The following NXPE2 variants were observed in gnomAD, a reference collection of about 807,000 sequenced individuals.
The protein encoded by NXPE2 is neurexophilin and PC-esterase domain family member 2, also known as NXPE family member 2.
Under a neutral mutation model 34.4 loss-of-function variants are expected in NXPE2, and 34 were observed. The ratio of observed to expected loss-of-function variants is 0.99; its 90% CI spans 0.75 to 1.31. NXPE2 has a LOEUF of 1.31. Ranked by LOEUF, NXPE2 falls within the 40% of genes most tolerant of loss-of-function variation. NXPE2 has a pLI of 0.00. For missense variants in NXPE2, 649 were observed against 672.5 expected (o/e 0.97, Z 0.39); for synonymous variants, 235 against 231.3 (o/e 1.02, Z -0.15).
intron 3 of NXPE2, among the ~76,000 whole-genome samples, chr11:114,700,791 C>G (rs1415076581): frequency 6.6e-6 from 1 of 152,132 alleles, no homozygotes; most frequent in Non-Finnish European, 1.5e-5. Context: ...ATAGAGCATA[C>G]AGCATTTCCC....
chr11:114,469,612 C>A, the NXPE2 span, among the ~76,000 whole-genome samples: 443 of 151,926 alleles, frequency 2.9e-3, 2 homozygotes, highest in African/African-American at 0.01. Context: ...GCCTCAGCCT[C>A]CTGAGTAGCT....
chr11:114,792,899 C>A, the NXPE2 span, among the ~76,000 whole-genome samples: 2 of 152,256 alleles, frequency 1.3e-5, no homozygotes, highest in East Asian at 3.9e-4. Flanking sequence ...ATGCTCTAAC[C>A]ACTACCCTGC....
the NXPE2 span, among the ~76,000 whole-genome samples, chr11:114,799,392 G>A: frequency 6.6e-6 from 1 of 151,912 alleles, no homozygotes; most frequent in Non-Finnish European, 1.5e-5. Context: ...TTGGAGAAGA[G>A]TTAAGGAAAA....
At chr11:114,685,735 A>G (rs1951033631) in intron 2 of NXPE2, among the ~76,000 whole-genome samples, 1 of 152,148 alleles carries the variant, frequency 6.6e-6, no homozygotes, top group East Asian at 1.9e-4. Context: ...TGTCCCTGCT[A>G]CTACTATTTT....
At chr11:114,580,307 C>T in the NXPE2 span, 37 of 1,613,912 alleles carry the variant, frequency 2.3e-5, no homozygotes, top group Non-Finnish European at 2.7e-5. Context: ...TCATTCCAAA[C>T]TTGCATTTCT....
At chr11:114,492,906 A>G in the NXPE2 span, among the ~76,000 whole-genome samples, 23,030 of 152,084 alleles carry the variant, frequency 0.15, 1,966 homozygotes, top group South Asian at 0.23. Flanking sequence ...TGGGGTGTTA[A>G]ATTTTCCAAT....
the NXPE2 span, among the ~76,000 whole-genome samples, chr11:114,666,227 CAG>C: frequency 6.6e-6 from 1 of 152,102 alleles, no homozygotes; most frequent in Admixed American, 6.6e-5. Flanking sequence ...TACCGTATAG[CAG>C]ATTCATTCCT....
the NXPE2 span, among the ~76,000 whole-genome samples, chr11:114,610,221 T>A: frequency 6.6e-6 from 1 of 151,918 alleles, no homozygotes; most frequent in African/African-American, 2.4e-5. Flanking sequence ...CAGTCAATAA[T>A]AAGTGTTGCC....
the NXPE2 span, among the ~76,000 whole-genome samples, chr11:114,630,546 G>A: frequency 1.2e-4 from 18 of 151,518 alleles, no homozygotes; most frequent in African/African-American, 2.9e-4. Context: ...AGACTTAAAC[G>A]TTAGACCTAA....
chr11:114,609,584 T>G, the NXPE2 span, among the ~76,000 whole-genome samples: 1 of 148,394 alleles, frequency 6.7e-6, no homozygotes, highest in East Asian at 2.1e-4. Flanking sequence ...ACTGTTACCA[T>G]GTGGATAATA....
chr11:114,748,413 G>T, the NXPE2 span, among the ~76,000 whole-genome samples: 7 of 152,154 alleles, frequency 4.6e-5, no homozygotes, highest in African/African-American at 1.7e-4. Context: ...TTTGCCAGAT[G>T]TCTCAAAAGT....
chr11:114,804,002 G>A, the NXPE2 span, among the ~76,000 whole-genome samples: 1 of 152,156 alleles, frequency 6.6e-6, no homozygotes, highest in African/African-American at 2.4e-5. Flanking sequence ...CAAAATATGA[G>A]TTATGGGGGA....
chr11:114,595,461 A>G, the NXPE2 span: 1 of 152,090 alleles, frequency 6.6e-6, no homozygotes, highest in South Asian at 2.1e-4. Context: ...CATCCCTCAA[A>G]ATTTACCCTC....
chr11:114,650,324 T>C, the NXPE2 span, among the ~76,000 whole-genome samples: 16 of 152,298 alleles, frequency 1.1e-4, no homozygotes, highest in African/African-American at 3.9e-4. Context: ...TGTGCTAATT[T>C]GGAATAGCTG....
rs1244397630 is a variant in NXPE2 at position 114,698,762 on chromosome 11, T to G, written c.850T>G (p.Trp284Gly). 3.8e-6 allele frequency: 6 copies of G among 1,566,618 alleles called. No homozygotes were observed. Among genetic ancestry groups the G allele is most frequent in the Admixed American group, 3.8e-5 (2 of 52,378 alleles). Reference protein sequence around the residue: ...RNISYLSKEEWRLFHRSNIGV... With the variant: ...RNISYLSKEEGRLFHRSNIGV... ...TATTTCCTATCTTAGCAAGGAAGAA[T>G]GGAGGCTTTTCCACAGGTAAAGAGG... Residue 284 changes from tryptophan (W) to glycine (G), a missense_variant, in exon 3 of 6, where the codon TGG (tryptophan) becomes GGG (glycine). Trp to Gly is a radical substitution (Grantham distance 184, BLOSUM62 -2). Transcript: ENST00000389586.
intron 2 of NXPE2, among the ~76,000 whole-genome samples, chr11:114,683,769 A>G (rs564362944): frequency 1.3e-5 from 2 of 152,310 alleles, no homozygotes; most frequent in African/African-American, 4.8e-5. Context: ...AATAACTGGT[A>G]AATAACAAAA....
the NXPE2 span, among the ~76,000 whole-genome samples, chr11:114,672,714 AG>A: frequency 6.6e-6 from 1 of 151,956 alleles, no homozygotes; most frequent in Non-Finnish European, 1.5e-5. Flanking sequence ...ATGGATAATG[AG>A]GAACGTTTTC....
At chr11:114,557,780 T>C in the NXPE2 span, among the ~76,000 whole-genome samples, 1 of 151,560 alleles carries the variant, frequency 6.6e-6, no homozygotes, top group Non-Finnish European at 1.5e-5. Context: ...TCAAGAACTA[T>C]CTTTAATATT....
the NXPE2 span, among the ~76,000 whole-genome samples, chr11:114,506,939 C>T: frequency 2.0e-5 from 3 of 152,068 alleles, no homozygotes; most frequent in Admixed American, 2.0e-4. Flanking sequence ...ATCAACAAAT[C>T]CAGGAGCTGG....
Sources: allele counts gnomAD v4.1 joint callset (sites outside exome capture counted in the v4.1 genomes callset), GRCh38; gene constraint gnomAD v4.1.1; transcripts MANE v1.5; gene names NCBI Gene and HGNC (gene_info 2026-07-23, HGNC 2026-07-21).